GALNT13: variants seen among roughly 807,000 people sequenced by gnomAD.
GALNT13 encodes the protein polypeptide N-acetylgalactosaminyltransferase 13, also known as UDP-GalNAc:polypeptide N-acetylgalactosaminyltransferase 13.
In GALNT13, 28 loss-of-function variants were observed where a neutral mutation model predicts 64.2. The observed-to-expected ratio is 0.44, with a 90% confidence interval of 0.32 to 0.60. GALNT13 has a LOEUF of 0.60. Among genes scored for constraint, GALNT13 ranks in the 20% least tolerant of loss-of-function variants. The pLI is 0.05. For synonymous variants in GALNT13, 214 were observed against 224.6 expected, an observed-to-expected ratio of 0.95 and a Z score of 0.42; for missense variants, 577 against 669.8, an observed-to-expected ratio of 0.86 and a Z score of 1.53.
intron 9 of GALNT13, among the ~76,000 whole-genome samples, chr2:154,306,396 C>T (rs1693734073): frequency 6.6e-6 from 1 of 151,912 alleles, no homozygotes; most frequent in South Asian, 2.1e-4. Flanking sequence ...TGAGAACATG[C>T]AGTGTTTGGT....
the GALNT13 span, among the ~76,000 whole-genome samples, chr2:153,226,953 T>G: frequency 6.6e-6 from 1 of 152,214 alleles, no homozygotes; most frequent in Non-Finnish European, 1.5e-5. Flanking sequence ...CATAGCCACT[T>G]CATCCTCTAA....
chr2:153,253,716 A>G, the GALNT13 span, among the ~76,000 whole-genome samples: 1 of 150,656 alleles, frequency 6.6e-6, no homozygotes, highest in Admixed American at 6.6e-5. Flanking sequence ...TTCTGCATCT[A>G]TTGAGATAAT....
the GALNT13 span, among the ~76,000 whole-genome samples, chr2:153,543,476 G>A: frequency 6.6e-6 from 1 of 152,294 alleles, no homozygotes; most frequent in Non-Finnish European, 1.5e-5. Flanking sequence ...TTGTGATCTT[G>A]TAATGTAAAT....
chr2:154,295,300 T>A (rs1044433359), intron 8 of GALNT13, among the ~76,000 whole-genome samples: 12 of 152,106 alleles, frequency 7.9e-5, no homozygotes, highest in African/African-American at 2.9e-4. Flanking sequence ...TATTTAGCAC[T>A]GATTTTATAG....
Position 154,399,467 on chromosome 2 carries a change from G to A in GALNT13, c.1296+3337G>A, listed in dbSNP as rs1428921380. On this transcript the variant is annotated intron_variant, in intron 10 of 12. Coordinates refer to ENST00000392825, the MANE Select transcript of GALNT13 (RefSeq NM_052917.4). ...CACTAAGTCCTCATATGGAAAAAGA[G>A]GCAAATGATATATCCTCACATGGAC... 3.3e-5 allele frequency among the ~76,000 whole-genome samples: 5 copies of A among 152,184 alleles called. No individual in the cohort carries two copies. The East Asian group carries it at 5.8e-4, about 18-fold the overall frequency.
In GALNT13 at chr2:154,305,954, A is replaced by G. The variant is rs140065001; in HGVS notation, c.1156+4365A>G. 9.8e-5 allele frequency among the ~76,000 whole-genome samples: 15 copies of G among 152,318 alleles called. 1 individual carries two copies. In the East Asian group the frequency reaches 2.9e-3, roughly 29 times the overall value. On this transcript the variant is annotated intron_variant, in intron 9 of 12. Transcript: ENST00000392825. Reference sequence around the variant, plus strand: ...GTTGAATAACTGGAAGAATGAATGAATGAATAATTTTTAAAAGAGAGCCAC... The same window carrying G: ...GTTGAATAACTGGAAGAATGAATGAGTGAATAATTTTTAAAAGAGAGCCAC...
chr2:153,565,988 C>T, the GALNT13 span, among the ~76,000 whole-genome samples: 12 of 151,822 alleles, frequency 7.9e-5, no homozygotes, highest in Non-Finnish European at 1.6e-4. Flanking sequence ...TTCTACTGAA[C>T]GCTTTTGATA....
chr2:153,606,060 C>T, the GALNT13 span, among the ~76,000 whole-genome samples: 1 of 152,012 alleles, frequency 6.6e-6, no homozygotes, highest in Admixed American at 6.6e-5. Flanking sequence ...GTATATCTAC[C>T]TATAGCAGGC....
intron 9 of GALNT13, among the ~76,000 whole-genome samples, chr2:154,379,702 T>C (rs1181575014): frequency 6.6e-6 from 1 of 152,084 alleles, no homozygotes; most frequent in East Asian, 1.9e-4. Flanking sequence ...ATAATTACAC[T>C]ATGTAGTAAC....
At chr2:153,758,059 C>T in the GALNT13 span, among the ~76,000 whole-genome samples, 1 of 152,144 alleles carries the variant, frequency 6.6e-6, no homozygotes, top group African/African-American at 2.4e-5. Flanking sequence ...ATTGTCCAGA[C>T]AATTGTTGTA....
At chr2:153,685,064 T>C in the GALNT13 span, among the ~76,000 whole-genome samples, 20 of 151,904 alleles carry the variant, frequency 1.3e-4, no homozygotes, top group Admixed American at 2.6e-4. Flanking sequence ...TACTGGGCTA[T>C]CATTTAAGTT....
the GALNT13 span, among the ~76,000 whole-genome samples, chr2:153,376,557 A>T: frequency 6.6e-6 from 1 of 152,158 alleles, no homozygotes; most frequent in Non-Finnish European, 1.5e-5. Context: ...AGAGGAATGC[A>T]TGGGTTGAAC....
At chr2:154,392,730 C>A (rs567856127) in intron 9 of GALNT13, among the ~76,000 whole-genome samples, 2 of 152,216 alleles carry the variant, frequency 1.3e-5, no homozygotes, top group Admixed American at 6.5e-5. Flanking sequence ...CACTTTTGGT[C>A]AGGGGAGTAA....
chr2:153,346,282 A>G, the GALNT13 span, among the ~76,000 whole-genome samples: 1 of 152,140 alleles, frequency 6.6e-6, no homozygotes, highest in Non-Finnish European at 1.5e-5. Context: ...CAAATCTTCT[A>G]TAGCCTTCTT....
rs370527232 is a variant in GALNT13, at chr2:154,298,624, T to A, written c.976-2785T>A. 8.0e-3 allele frequency among the ~76,000 whole-genome samples: 192 copies of A among 24,090 alleles called. 34 individuals are homozygous for A. Among genetic ancestry groups the A allele is most frequent in the East Asian group, 0.033 (13 of 400 alleles). 15.8% of individuals were successfully genotyped at this position (24,090 alleles called of 152,430 possible). ...ATGTATATATTAATTTATATATACA[T>A]TGTATATATAATTTATATATACATT... On this transcript the variant is annotated intron_variant, in intron 8 of 12. Transcript: ENST00000392825.
intron 4 of GALNT13, among the ~76,000 whole-genome samples, chr2:154,239,346 G>A (rs1689361497): frequency 6.6e-6 from 1 of 152,098 alleles, no homozygotes; most frequent in African/African-American, 2.4e-5. Context: ...TTTATTCACT[G>A]TAGTCCTTGA....
rs1274413282 is a variant in GALNT13, at chr2:154,450,542, G to T, written c.1662G>T (p.Leu554Phe). Residue 554 changes from leucine (L) to phenylalanine (F), a missense_variant, in exon 13 of 13, where the codon TTG becomes TTT. Transcript: ENST00000392825. ...AGTGGCTGCTAAGGAACATGACCTTGGGCACATGAAGATCATGTCCTCCAA... is the reference window on the plus strand; with the variant it reads ...AGTGGCTGCTAAGGAACATGACCTTTGGCACATGAAGATCATGTCCTCCAA... ...SQQWLLRNMT[L>F]GT The T allele has an allele frequency of 1.2e-6, 2 of 1,602,148 alleles. No homozygotes were observed. Among genetic ancestry groups the T allele is most frequent in the African/African-American group, 1.3e-5 (1 of 74,310 alleles).
the GALNT13 span, among the ~76,000 whole-genome samples, chr2:153,743,538 TA>T: frequency 6.6e-6 from 1 of 152,136 alleles, no homozygotes; most frequent in Non-Finnish European, 1.5e-5. Flanking sequence ...TATCTATTTT[TA>T]TTTTTGTGGG....
intron 10 of GALNT13, among the ~76,000 whole-genome samples, chr2:154,403,064 C>T (rs768117946): frequency 3.9e-5 from 6 of 152,014 alleles, no homozygotes; most frequent in Admixed American, 1.3e-4. Flanking sequence ...GGGTTGGGCT[C>T]GCTCACTCGG....
Sources: gnomAD v4.1 joint callset for allele counts (sites outside exome capture counted in the v4.1 genomes callset) on GRCh38, gnomAD v4.1.1 for gene constraint, MANE v1.5 for transcripts, NCBI Gene and HGNC (gene_info 2026-07-23, HGNC 2026-07-21) for gene names.